COX19: variants seen among roughly 807,000 people sequenced by gnomAD.
COX19 encodes cytochrome c oxidase assembly protein COX19.
In COX19, 8 loss-of-function variants were observed where a neutral mutation model predicts 6.8. That is an observed-to-expected ratio of 1.18 (90% CI 0.69 to 2.12). The LOEUF (loss-of-function observed/expected upper bound fraction) is 2.12. Ranked by LOEUF, COX19 falls within the 30% of genes most tolerant of loss-of-function variation. COX19 has a pLI of 0.00. For missense variants in COX19, 131 were observed against 104.6 expected (o/e 1.25, Z -1.10); for synonymous variants, 51 against 38.0 (o/e 1.34, Z -1.26).
Position 969,157 on chromosome 7 carries a change from G to T in COX19, c.*221C>A. On this transcript the variant is annotated 3_prime_UTR_variant, in exon 3 of 3. Transcript: ENST00000344111. ...CGCTCGCCTCCCTCCCAGCTTTGCC[G>T]GGAACGCCGTCCCACTCAGGGGTTC... The T allele has an allele frequency of 2.0e-6, 1 of 503,678 alleles. No individual in the cohort carries two copies. The highest frequency in any genetic ancestry group is 3.3e-5 in the East Asian group (1 of 30,128). 31.2% of individuals were successfully genotyped at this position (503,678 alleles called of 1,614,324 possible).
Position 967,333 on chromosome 7 carries a change from C to A in COX19, c.*2045G>T, listed in dbSNP as rs116884794. 3,902 of 152,332 alleles carry A rather than the reference C, an allele frequency of 0.026. 77 individuals carry two copies. The highest frequency in any genetic ancestry group is 0.11 in the Middle Eastern group (32 of 294). The allele number at this position is 152,332 out of a possible 1,614,324, so 9.4% of individuals were successfully genotyped here. ...GTTTCTCTATCCAGTTACCTTTGTA[C>A]GTTAGAAAAGCAGGAGCTCAATACA... On this transcript the variant is annotated 3_prime_UTR_variant, in exon 3 of 3. Transcript: ENST00000344111.
At chr7:973,765 AG>A (rs1847666526) in intron 1 of COX19, among the ~76,000 whole-genome samples, 1 of 152,132 alleles carries the variant, frequency 6.6e-6, no homozygotes, top group African/African-American at 2.4e-5. Flanking sequence ...CAGGAGTTCA[AG>A]ACCAGCTCGG....
rs3735675 is a variant in COX19, at chr7:967,747, A to G, written c.*1631T>C. On this transcript the variant is annotated 3_prime_UTR_variant, in exon 3 of 3. Coordinates refer to ENST00000344111, the MANE Select transcript of COX19 (RefSeq NM_001031617.3). ...TGCTCGGAGGGGCTCGCGGCCGGCTATGCCCATCAGTTCCAGCTCCTCCTT... is the reference window on the plus strand; with the variant it reads ...TGCTCGGAGGGGCTCGCGGCCGGCTGTGCCCATCAGTTCCAGCTCCTCCTT... The G allele has an allele frequency of 0.11, 16,120 of 152,414 alleles. 1,147 individuals are homozygous for G. Among genetic ancestry groups the G allele is most frequent in the South Asian group, 0.23 (1,118 of 4,828 alleles). The allele number at this position is 152,414 out of a possible 1,614,324, so 9.4% of individuals were successfully genotyped here.
chr7:972,964 G>A (rs561407960), intron 2 of COX19: 72 of 327,946 alleles, frequency 2.2e-4, no homozygotes, highest in Non-Finnish European at 3.0e-4. Flanking sequence ...CATGTATAAC[G>A]CTATCGCTCA....
At chr7:972,157 A>G (rs1330887037) in intron 2 of COX19, among the ~76,000 whole-genome samples, 1 of 152,206 alleles carries the variant, frequency 6.6e-6, no homozygotes, top group Non-Finnish European at 1.5e-5. Context: ...ATTTAAGACT[A>G]ATTTAAACAC....
rs1443076040 is a variant in COX19, at chr7:975,528, T to C, written c.-19A>G. Reference sequence around the variant, plus strand: ...TCGACATGTTGGCGACTCCGGAGTCTGCGAGCGCCTTGCGAGCGTACGCAG... The same window carrying C: ...TCGACATGTTGGCGACTCCGGAGTCCGCGAGCGCCTTGCGAGCGTACGCAG... On this transcript the variant is annotated 5_prime_UTR_variant, in exon 1 of 3. Transcript: ENST00000344111. 2 of 1,593,816 alleles carry C rather than the reference T, an allele frequency of 1.3e-6. No homozygotes were observed. Among genetic ancestry groups the C allele is most frequent in the Non-Finnish European group, 1.7e-6 (2 of 1,171,194 alleles).
rs577774271 is a variant in COX19, at chr7:965,199, C to T, written c.*4179G>A. On this transcript the variant is annotated 3_prime_UTR_variant, in exon 3 of 3. Coordinates refer to ENST00000344111, the MANE Select transcript of COX19 (RefSeq NM_001031617.3). ...TTTGAAGTTATTTTGAAACGAGAAT[C>T]GACTCAATCTATTCCACTATAGTTT... is the stretch of plus-strand genomic sequence containing the variant. Among the ~76,000 whole-genome samples the T allele has an allele frequency of 2.3e-4, 35 of 152,330 alleles. 1 individual carries two copies. In the South Asian group the frequency reaches 6.6e-3, roughly 29 times the overall value.
At chr7:972,517 G>A (rs1216228057) in intron 2 of COX19, among the ~76,000 whole-genome samples, 1 of 152,192 alleles carries the variant, frequency 6.6e-6, no homozygotes, top group Non-Finnish European at 1.5e-5. Context: ...AATGCTTAGT[G>A]AGCTAATCAT....
Position 965,817 on chromosome 7 carries a change from T to A in COX19, c.*3561A>T, listed in dbSNP as rs1400363652. 6.6e-6 allele frequency among the ~76,000 whole-genome samples: 1 copy of A among 152,228 alleles called. No individual in the cohort carries two copies. The highest frequency in any genetic ancestry group is 1.5e-5 in the Non-Finnish European group (1 of 68,048). On this transcript the variant is annotated 3_prime_UTR_variant, in exon 3 of 3. Transcript: ENST00000344111. ...CCAGCCCCAGCTAATTTTTGTATTT[T>A]TAGTAGAGACAGGGTTTCTCCATGT... is the stretch of plus-strand genomic sequence containing the variant.
chr7:970,013 G>C (rs982303842), intron 2 of COX19, among the ~76,000 whole-genome samples: 1 of 150,778 alleles, frequency 6.6e-6, no homozygotes, highest in Non-Finnish European at 1.5e-5. Context: ...TCCCATGCTG[G>C]GATGCAGTGG....
rs928782053 is a variant in COX19 at position 968,407 on chromosome 7, C to G, written c.*971G>C. On this transcript the variant is annotated 3_prime_UTR_variant, in exon 3 of 3. Transcript: ENST00000344111. ...AGAGAGGACGTGACCTGGACCTCCC[C>G]ACCCCGTCTCCTGCCACCATCCTCC... is the stretch of plus-strand genomic sequence containing the variant. 1.3e-5 allele frequency: 2 copies of G among 152,366 alleles called. No homozygotes were observed. Among genetic ancestry groups the G allele is most frequent in the Non-Finnish European group, 1.5e-5 (1 of 68,148 alleles). The allele number at this position is 152,366 out of a possible 1,614,324, so 9.4% of individuals were successfully genotyped here. A position where few individuals can be genotyped will look rare whatever the true frequency, so the allele number is the denominator to read the frequency against.
At position 969,370 on chromosome 7, in the gene COX19, A is replaced by G. The variant is rs1847604006; in HGVS notation, c.*8T>C. The G allele has an allele frequency of 1.3e-6, 2 of 1,583,484 alleles. No homozygotes were observed. The highest frequency in any genetic ancestry group is 1.1e-5 in the South Asian group (1 of 90,424). On this transcript the variant is annotated 3_prime_UTR_variant, in exon 3 of 3. Coordinates refer to ENST00000344111, the MANE Select transcript of COX19 (RefSeq NM_001031617.3). Reference sequence around the variant, plus strand: ...CTGAACACGGCCCAGGGGTCTTCTCATCAAAATTCATTTTTTTGCCTCTGA... The same window carrying G: ...CTGAACACGGCCCAGGGGTCTTCTCGTCAAAATTCATTTTTTTGCCTCTGA...
At chr7:971,638 G>A (rs1243257466) in intron 2 of COX19, among the ~76,000 whole-genome samples, 4 of 152,266 alleles carry the variant, frequency 2.6e-5, no homozygotes, top group African/African-American at 7.2e-5. Flanking sequence ...TTGGGAGGCC[G>A]AGGTGGGCGG....
chr7:972,834 C>A (rs1205002086), intron 2 of COX19: 1 of 161,902 alleles, frequency 6.2e-6, no homozygotes, highest in Admixed American at 6.4e-5. Context: ...AAGAAAGAAA[C>A]TGTGTACCCA....
intron 2 of COX19, among the ~76,000 whole-genome samples, chr7:969,669 C>T (rs999623297): frequency 6.6e-6 from 1 of 152,132 alleles, no homozygotes; most frequent in African/African-American, 2.4e-5. Context: ...TAGAGACGTC[C>T]CAGGGCCTAA....
In COX19 at chr7:965,567, G is replaced by A. The variant is rs1847540127; in HGVS notation, c.*3811C>T. ...GCTGTGACATGACTGTCTCCTCGGA[G>A]GTCACTATGCATCTCAAGGGGAGGT... is the stretch of plus-strand genomic sequence containing the variant. On this transcript the variant is annotated 3_prime_UTR_variant, in exon 3 of 3. Transcript: ENST00000344111. 2.0e-5 allele frequency among the ~76,000 whole-genome samples: 3 copies of A among 152,226 alleles called. 1 individual carries two copies. In the South Asian group the frequency reaches 6.2e-4, roughly 31 times the overall value.
intron 1 of COX19, among the ~76,000 whole-genome samples, chr7:973,569 G>T (rs532858214): frequency 6.6e-6 from 1 of 152,330 alleles, no homozygotes; most frequent in Non-Finnish European, 1.5e-5. Context: ...TACTCAGGAG[G>T]CTGAGGCAGG....
chr7:965,483 C>T lies in COX19; in HGVS notation c.*3895G>A, dbSNP rs1338289019. Among the ~76,000 whole-genome samples, 1 of 152,304 alleles carries T rather than the reference C, an allele frequency of 6.6e-6. No individual in the cohort carries two copies. Among genetic ancestry groups the T allele is most frequent in the African/African-American group, 2.4e-5 (1 of 41,564 alleles). On this transcript the variant is annotated 3_prime_UTR_variant, in exon 3 of 3. Coordinates refer to ENST00000344111, the MANE Select transcript of COX19 (RefSeq NM_001031617.3). ...CCTCAGGGACGCCCCCAGGTCGGTG[C>T]GGCCTGTGCGGCTCGCTCCCGGCGG... is the stretch of plus-strand genomic sequence containing the variant.
intron 2 of COX19, chr7:972,910 G>A (rs771248542): frequency 2.2e-5 from 5 of 222,572 alleles, no homozygotes; most frequent in East Asian, 9.1e-5. Context: ...ATGACAGGTC[G>A]GTAGCAACCA....
Sources: gnomAD v4.1 joint callset for allele counts (sites outside exome capture counted in the v4.1 genomes callset) on GRCh38, gnomAD v4.1.1 for gene constraint, MANE v1.5 for transcripts, NCBI Gene and HGNC (gene_info 2026-07-23, HGNC 2026-07-21) for gene names.